VPS13C: variants seen among roughly 807,000 people sequenced by gnomAD.
The protein encoded by VPS13C is vacuolar protein sorting 13 homolog C.
VPS13C carries 358 observed loss-of-function variants against 456.8 expected under a neutral mutation model. The observed-to-expected ratio is 0.78, with a 90% CI of 0.72 to 0.86. The LOEUF (loss-of-function observed/expected upper bound fraction) is 0.86. VPS13C is among the 40% of genes least tolerant of loss of function. The pLI is 0.00. For missense variants in VPS13C, 4,818 were observed against 4,385.4 expected, an observed-to-expected ratio of 1.10 and a Z score of -2.79; for synonymous variants, 1,578 against 1,486.7, an observed-to-expected ratio of 1.06 and a Z score of -1.41.
In VPS13C at chr15:61,967,421, T is replaced by A. The variant is rs1437141146; in HGVS notation, c.2938A>T (p.Ile980Phe). The A allele has an allele frequency of 5.6e-6, 9 of 1,604,612 alleles. No homozygotes were observed. The highest frequency in any genetic ancestry group is 7.7e-6 in the Non-Finnish European group (9 of 1,175,884). ...AATCCAGGTTTGTCAGAAGAGCTAA[T>A]CAAGTGAAGGGGCTTCCTTTTGGAT... ...EGSKRKPLHL[I>F]SSSDKPGLDL... Residue 980 changes from isoleucine (I) to phenylalanine (F), a missense_variant, in exon 29 of 85, where the codon ATT becomes TTT. This residue lies in a region of VPS13C where 4,552 missense variants were observed against 4,130.6 expected (regional missense o/e 1.10). Coordinates refer to ENST00000644861, the MANE Select transcript of VPS13C (RefSeq NM_020821.3).
intron 53 of VPS13C, among the ~76,000 whole-genome samples, chr15:61,925,182 C>G (rs2043805808): frequency 6.6e-6 from 1 of 151,946 alleles, no homozygotes; most frequent in Non-Finnish European, 1.5e-5. Context: ...CCTCCTCCAA[C>G]TCAACCCCCA....
chr15:62,046,348 T>C (rs1273478824), intron 1 of VPS13C, among the ~76,000 whole-genome samples: 1 of 152,190 alleles, frequency 6.6e-6, no homozygotes, highest in Non-Finnish European at 1.5e-5. Context: ...AAAGTAGTCA[T>C]GGAAGACTAG....
At chr15:61,918,006 T>C in intron 59 of VPS13C, 130 bp downstream of exon 59, 1 of 902,158 alleles carries the variant, frequency 1.1e-6, no homozygotes, top group Non-Finnish European at 1.6e-6. Flanking sequence ...TATTTCTCAA[T>C]GGAAGACTAA....
At chr15:62,006,930 A>G (rs1317021634) in intron 15 of VPS13C, among the ~76,000 whole-genome samples, 3 of 152,170 alleles carry the variant, frequency 2.0e-5, no homozygotes, top group Non-Finnish European at 4.4e-5. Flanking sequence ...TTTATAAATA[A>G]TATTTTGAAG....
intron 76 of VPS13C, among the ~76,000 whole-genome samples, chr15:61,875,242 T>C (rs1895330209): frequency 6.6e-6 from 1 of 152,064 alleles, no homozygotes; most frequent in Admixed American, 6.6e-5. Context: ...TTTCATCAAA[T>C]TGCTAAAACA....
chr15:61,956,361 C>T (rs938678176), intron 37 of VPS13C, among the ~76,000 whole-genome samples: 2 of 151,946 alleles, frequency 1.3e-5, no homozygotes, highest in Admixed American at 1.3e-4. Context: ...GGCTGAAAAA[C>T]TACCTATCAG....
Position 61,890,415 on chromosome 15 carries a change from G to C in VPS13C, c.9106-15C>G. The C allele has an allele frequency of 1.2e-6, 2 of 1,607,126 alleles. No homozygotes were observed. The highest frequency in any genetic ancestry group is 8.5e-7 in the Non-Finnish European group (1 of 1,174,448). ...CCACATCCATCCTGGGAAGAAGAAA[G>C]ACTTCATTAAACCCACACATAGTAA... On this transcript the variant is annotated splice_polypyrimidine_tract_variant and intron_variant, in intron 66 of 84. Transcript: ENST00000644861.
rs565885032 is a variant in VPS13C, at chr15:61,877,162, A to G, written c.10143-108T>C. The G allele has an allele frequency of 3.2e-4, 232 of 717,108 alleles. No homozygotes were observed. In the African/African-American group the frequency reaches 3.6e-3, roughly 11 times the overall value. 44.4% of individuals were successfully genotyped at this position (717,108 alleles called of 1,614,324 possible). ...GCTAATCATAGCCAATTCTTTCACA[A>G]TTGACTTCGTACATTTACCACATAC... On this transcript the variant is annotated intron_variant, in intron 74 of 84. Coordinates refer to ENST00000644861, the MANE Select transcript of VPS13C (RefSeq NM_020821.3).
chr15:62,051,108 T>G (rs2048602571), intron 1 of VPS13C, among the ~76,000 whole-genome samples: 1 of 152,228 alleles, frequency 6.6e-6, no homozygotes, highest in South Asian at 2.1e-4. Context: ...GTCCTATTGT[T>G]AAGTACCTCC....
chr15:61,908,913 T>C, intron 65 of VPS13C, 79 bp downstream of exon 65: 1 of 1,521,840 alleles, frequency 6.6e-7, no homozygotes, highest in Non-Finnish European at 8.9e-7. Context: ...AAAAACATTT[T>C]GAATATGAAA....
intron 37 of VPS13C, among the ~76,000 whole-genome samples, chr15:61,955,592 G>A (rs1230210931): frequency 6.6e-6 from 1 of 152,070 alleles, no homozygotes; most frequent in African/African-American, 2.4e-5. Flanking sequence ...CTCCATCACT[G>A]TTCCAAACAT....
rs758177975 is a variant in VPS13C at position 61,978,739 on chromosome 15, T to C, written c.2177A>G (p.Lys726Arg). The change falls in exon 23 of 85, where the codon AAA becomes AGA. Residue 726 changes from lysine (K) to arginine (R), a missense_variant. Coordinates refer to ENST00000644861, the MANE Select transcript of VPS13C (RefSeq NM_020821.3). ...LDFGTFQLNS[K>R]DQGLQKTTNS... The stretch of plus-strand genomic sequence containing the variant: ...AGTAGTCTTCTGTAAACCTTGATCT[T>C]TACTGTTGAGCTAAAATGAAGGACA... 8.1e-6 allele frequency: 13 copies of C among 1,596,438 alleles called. No homozygotes were observed. In the Middle Eastern group the frequency reaches 5.1e-4, roughly 63 times the overall value.
chr15:61,929,485 GAT>G lies in VPS13C; in HGVS notation c.6286+14_6286+15del. 1 of 1,609,340 alleles carries G rather than the reference GAT, an allele frequency of 6.2e-7. No individual in the cohort carries two copies. The highest frequency in any genetic ancestry group is 8.5e-7 in the Non-Finnish European group (1 of 1,176,610). The stretch of plus-strand genomic sequence containing the variant: ...AATATACAAGTTGTCATCTATGACA[GAT>G]AAATTCTGCTAACCTTTCTCTATCT... On this transcript the variant is annotated intron_variant, in intron 51 of 84. Coordinates refer to ENST00000644861, the MANE Select transcript of VPS13C (RefSeq NM_020821.3).
chr15:61,856,300 T>A lies in VPS13C; in HGVS notation c.11062A>T (p.Lys3688Ter). 1 of 1,613,186 alleles carries A rather than the reference T, an allele frequency of 6.2e-7. No individual in the cohort carries two copies. Among genetic ancestry groups the A allele is most frequent in the East Asian group, 2.2e-5 (1 of 44,790 alleles). Residue 3688 changes from lysine to a stop codon, truncating the protein, a stop_gained, in exon 83 of 85, where the codon AAA (lysine) becomes TAA (stop). Coordinates refer to ENST00000644861, the MANE Select transcript of VPS13C (RefSeq NM_020821.3). LOFTEE classifies it high-confidence loss of function. Reference protein sequence around the residue: ...FPPSVSENVLKISVKEQGLFH... With the variant: ...FPPSVSENVL ...TGTTTTCTTACCTTAACTGAAATTT[T>A]TAGCACATTTTCACTGACACTAGGA...
At chr15:62,043,853 C>T (rs904224455) in intron 2 of VPS13C, among the ~76,000 whole-genome samples, 2 of 152,114 alleles carry the variant, frequency 1.3e-5, no homozygotes, top group African/African-American at 4.8e-5. Context: ...GCTAGACCAT[C>T]AATCTATTTC....
At chr15:61,902,946 T>C (rs1048528598) in intron 66 of VPS13C, among the ~76,000 whole-genome samples, 1 of 147,926 alleles carries the variant, frequency 6.8e-6, no homozygotes, top group Non-Finnish European at 1.5e-5. Flanking sequence ...TAGAAAAACC[T>C]AAAGACTCCA....
Position 61,945,753 on chromosome 15 carries a change from G to C in VPS13C, c.5110C>G (p.Gln1704Glu). ...AAGAATTTATGAACATAAACAATCT[G>C]AATACAACCCACTTTAAAACTAAGT... ...GKLSFKVGCI[Q>E]IVYVHKFFMS... The change falls in exon 45 of 85, where the codon CAG (glutamine) becomes GAG (glutamate). Residue 1704 changes from glutamine (Q) to glutamate (E), a missense_variant. Gln to Glu is a conservative substitution (Grantham distance 29). Around this residue, in one of 3 missense-constraint regions of VPS13C, gnomAD observed 4,552 missense variants for 4,130.6 expected, o/e 1.10. Coordinates refer to ENST00000644861, the MANE Select transcript of VPS13C (RefSeq NM_020821.3). The C allele has an allele frequency of 6.2e-7, 1 of 1,607,840 alleles. No individual in the cohort carries two copies. The highest frequency in any genetic ancestry group is 8.5e-7 in the Non-Finnish European group (1 of 1,177,826).
chr15:61,920,482 C>A lies in VPS13C; in HGVS notation c.7212+16G>T. 2.6e-6 allele frequency: 4 copies of A among 1,512,810 alleles called. No homozygotes were observed. Among genetic ancestry groups the A allele is most frequent in the Non-Finnish European group, 3.5e-6 (4 of 1,131,322 alleles). 93.7% of individuals were successfully genotyped at this position (1,512,810 alleles called of 1,614,324 possible). A position where few individuals can be genotyped will look rare whatever the true frequency, so the allele number is the denominator to read the frequency against. ...AAAATTCCACTTGAAATATTCTAAG[C>A]AAGATTCAGACATACTTTTGCTAAA... On this transcript the variant is annotated intron_variant, in intron 56 of 84. Transcript: ENST00000644861.
intron 50 of VPS13C, among the ~76,000 whole-genome samples, chr15:61,930,757 G>T: frequency 6.6e-6 from 1 of 152,106 alleles, no homozygotes; most frequent in East Asian, 1.9e-4. Context: ...TAGCTTGAAG[G>T]CTTTTTAAAA....
Sources: gnomAD v4.1 joint callset for allele counts (sites outside exome capture counted in the v4.1 genomes callset) on GRCh38, gnomAD v4.1.1 for gene constraint, gnomAD v4.1.1 regional missense constraint, MANE v1.5 for transcripts, NCBI Gene and HGNC (gene_info 2026-07-23, HGNC 2026-07-21) for gene names.